THUMPD3: variants seen among roughly 807,000 people sequenced by gnomAD.
THUMPD3 encodes THUMP domain 3 tRNA guanosine methyltransferase, also known as tRNA (guanine(6)-N(2))-methyltransferase THUMP3.
A neutral mutation model predicts 54.5 loss-of-function variants in THUMPD3; 44 were observed. The observed-to-expected ratio is 0.81, with a 90% CI of 0.63 to 1.04. THUMPD3 has a LOEUF of 1.04. THUMPD3 is among the 50% of genes least tolerant of loss of function. The pLI is 0.00. For synonymous variants in THUMPD3, 196 were observed against 201.4 expected, an observed-to-expected ratio of 0.97 and a Z score of 0.23; for missense variants, 604 against 601.3, an observed-to-expected ratio of 1.00 and a Z score of -0.05.
intron 1 of THUMPD3, chr3:9,363,806 C>CTTTTTTTTT (rs56359034): frequency 1.1e-5 from 1 of 88,924 alleles, no homozygotes; most frequent in Admixed American, 1.2e-4. Context: ...TTAATTTTTT[C>CTTTTTTTTT]TTTTTTTTTT....
At chr3:9,364,535 C>T (rs561275105) in intron 1 of THUMPD3, among the ~76,000 whole-genome samples, 17 of 152,032 alleles carry the variant, frequency 1.1e-4, no homozygotes, top group East Asian at 3.9e-4. Flanking sequence ...TTAGTAGAGA[C>T]GGGGTTTCAC....
rs2033207527 is a variant in THUMPD3, at chr3:9,384,668, C to T, written c.1504C>T (p.Leu502Phe). 2 of 1,614,126 alleles carry T rather than the reference C, an allele frequency of 1.2e-6. No homozygotes were observed. Among genetic ancestry groups the T allele is most frequent in the African/African-American group, 1.3e-5 (1 of 75,024 alleles). The part of the protein sequence containing the change: ...PSEQDGERGT[L>F]WQCKE ...AGAACAAGACGGAGAAAGAGGAACT[C>T]TTTGGCAATGCAAAGAATGAAGATG... Residue 502 changes from leucine to phenylalanine, a missense_variant, in exon 10 of 10, where the codon CTT becomes TTT. By Grantham distance (22) the Leu-to-Phe change is conservative. Coordinates refer to ENST00000452837, the MANE Select transcript of THUMPD3 (RefSeq NM_001114092.2).
chr3:9,384,682 A>G lies in THUMPD3; in HGVS notation c.1518A>G (p.Lys506=), dbSNP rs2033209220. ...DGERGTLWQC[K]E is the part of the protein sequence containing the mutation. ...AAAGAGGAACTCTTTGGCAATGCAA[A>G]GAATGAAGATGACTAATAGTACTTG... Residue 506 remains lysine (K), a synonymous_variant, in exon 10 of 10, where the codon AAA becomes AAG. Transcript: ENST00000452837. 2 of 1,614,108 alleles carry G rather than the reference A, an allele frequency of 1.2e-6. No individual in the cohort carries two copies. The highest frequency in any genetic ancestry group is 2.7e-5 in the African/African-American group (2 of 74,936).
At position 9,385,786 on chromosome 3, in the gene THUMPD3, A is replaced by T. The variant is rs2033290004; in HGVS notation, c.*1098A>T. The T allele has an allele frequency of 6.6e-6, 1 of 152,224 alleles. No individual in the cohort carries two copies. The highest frequency in any genetic ancestry group is 1.5e-5 in the Non-Finnish European group (1 of 68,048). The allele number at this position is 152,224 out of a possible 1,614,324, so 9.4% of individuals were successfully genotyped here. A position where few individuals can be genotyped will look rare whatever the true frequency, so the allele number is the denominator to read the frequency against. On this transcript the variant is annotated 3_prime_UTR_variant, in exon 10 of 10. Transcript: ENST00000452837. ...AGTTTCTTAAAAGGCCAAGAGAAAA[A>T]AAATGATATATCTTTGGAAAACTTT...
chr3:9,381,652 C>CTTT (rs59920736), intron 7 of THUMPD3, among the ~76,000 whole-genome samples: 29 of 138,768 alleles, frequency 2.1e-4, no homozygotes, highest in East Asian at 1.8e-3. Flanking sequence ...TATGGCCAGT[C>CTTT]TTTTTTTTTT....
chr3:9,378,023 A>G, intron 6 of THUMPD3, 135 bp downstream of exon 6: 1 of 687,852 alleles, frequency 1.5e-6, no homozygotes, highest in South Asian at 1.9e-5. Flanking sequence ...TTAACAATAG[A>G]AAGTGGAACT....
chr3:9,365,351 T>C (rs1345520739), intron 2 of THUMPD3, 31 bp downstream of exon 2: 2 of 1,606,130 alleles, frequency 1.2e-6, no homozygotes, highest in Non-Finnish European at 1.7e-6. Flanking sequence ...AAAATAGTTT[T>C]CTAAGTTGAT....
In THUMPD3 at chr3:9,371,097, A is replaced by G; in HGVS notation, c.368A>G (p.Lys123Arg). 1 of 1,577,062 alleles carries G rather than the reference A, an allele frequency of 6.3e-7. No homozygotes were observed. Among genetic ancestry groups the G allele is most frequent in the Non-Finnish European group, 8.6e-7 (1 of 1,169,302 alleles). The change falls in exon 4 of 10, where the codon AAA becomes AGA. Residue 123 changes from lysine (K) to arginine (R), a missense_variant. Lys to Arg is a conservative substitution (Grantham distance 26). Coordinates refer to ENST00000452837, the MANE Select transcript of THUMPD3 (RefSeq NM_001114092.2). ...AAGGATTTTGAAGACTTGGCTGGAAAACTCCCATGGTCAAACCCCTTAAAA... is the reference window on the plus strand; with the variant it reads ...AAGGATTTTGAAGACTTGGCTGGAAGACTCCCATGGTCAAACCCCTTAAAA... The part of the protein sequence containing the change: ...VLKDFEDLAG[K>R]LPWSNPLKVW...
intron 4 of THUMPD3, among the ~76,000 whole-genome samples, chr3:9,374,093 A>G (rs75482346): frequency 6.6e-6 from 1 of 152,262 alleles, no homozygotes; most frequent in East Asian, 1.9e-4. Flanking sequence ...GGCAATCACT[A>G]ATCTGACTGC....
At chr3:9,366,213 GACTC>G (rs1314586391) in intron 2 of THUMPD3, among the ~76,000 whole-genome samples, 1 of 152,082 alleles carries the variant, frequency 6.6e-6, no homozygotes, top group Non-Finnish European at 1.5e-5. Context: ...AAGTAATTAG[GACTC>G]ACTCAAGGTA....
chr3:9,364,631 G>C (rs1387897369), intron 1 of THUMPD3, among the ~76,000 whole-genome samples: 1 of 152,152 alleles, frequency 6.6e-6, no homozygotes. Flanking sequence ...ACAGGTGTGA[G>C]CCACCACGCC....
chr3:9,364,473 A>C (rs1345392536), intron 1 of THUMPD3, among the ~76,000 whole-genome samples: 4 of 152,004 alleles, frequency 2.6e-5, no homozygotes, highest in African/African-American at 9.6e-5. Flanking sequence ...CAGCCTCCCA[A>C]GTAGCTGGGA....
intron 6 of THUMPD3, among the ~76,000 whole-genome samples, chr3:9,378,922 T>C (rs1364297206): frequency 6.6e-6 from 1 of 152,016 alleles, no homozygotes; most frequent in Non-Finnish European, 1.5e-5. Context: ...GGTCACCGCA[T>C]GTCAAGAAAT....
chr3:9,369,323 A>AG (rs1410538912), intron 3 of THUMPD3, among the ~76,000 whole-genome samples: 1 of 151,200 alleles, frequency 6.6e-6, no homozygotes, highest in Admixed American at 6.6e-5. Context: ...AAAAAAAAAA[A>AG]AAAAAAAAAA....
chr3:9,374,790 A>G (rs2596920), intron 5 of THUMPD3, 144 bp downstream of exon 5: 69,211 of 958,914 alleles, frequency 0.072, 4,447 homozygotes, highest in East Asian at 0.33. Flanking sequence ...CTAATGATCT[A>G]TTTCTTTCCC....
rs1422604130 is a variant in THUMPD3, at chr3:9,383,195, A to G, written c.1125-4A>G. ...GTTGAAGCACCTTTCCTTTGTCCCC[A>G]CAGCAAACCCTCCTGGGGCTTGCCC... On this transcript the variant is annotated splice_region_variant and splice_polypyrimidine_tract_variant and intron_variant, in intron 7 of 9. Transcript: ENST00000452837. The G allele has an allele frequency of 1.9e-6, 3 of 1,610,660 alleles. No homozygotes were observed. The highest frequency in any genetic ancestry group is 8.5e-7 in the Non-Finnish European group (1 of 1,177,090).
At chr3:9,368,195 AC>A (rs1254313254) in intron 3 of THUMPD3, among the ~76,000 whole-genome samples, 1 of 151,464 alleles carries the variant, frequency 6.6e-6, no homozygotes, top group East Asian at 1.9e-4. Context: ...ATTAGTCCCC[AC>A]CCCCCTCTTT....
rs748072569 is a variant in THUMPD3, at chr3:9,384,347, A to G, written c.1359+12A>G. The G allele has an allele frequency of 3.1e-6, 5 of 1,604,310 alleles. No individual in the cohort carries two copies. In the Admixed American group the frequency reaches 5.2e-5, roughly 17 times the overall value. On this transcript the variant is annotated intron_variant, in intron 9 of 9. Coordinates refer to ENST00000452837, the MANE Select transcript of THUMPD3 (RefSeq NM_001114092.2). ...AATGCTTTACCAAGGTGCTATACAC[A>G]TTAGCTCAAAATCGCAGCCTGTGGC...
chr3:9,377,201 A>C (rs1256726016), intron 5 of THUMPD3, among the ~76,000 whole-genome samples: 1 of 151,886 alleles, frequency 6.6e-6, no homozygotes, highest in Non-Finnish European at 1.5e-5. Context: ...AGTATGCATG[A>C]GCGTGTGTGT....
Sources: gnomAD v4.1 joint callset for allele counts (sites outside exome capture counted in the v4.1 genomes callset) on GRCh38, gnomAD v4.1.1 for gene constraint, MANE v1.5 for transcripts, NCBI Gene and HGNC (gene_info 2026-07-23, HGNC 2026-07-21) for gene names.